Variants in SLIT2 observed in about 807,000 individuals in gnomAD.
SLIT2 encodes the protein slit guidance ligand 2.
SLIT2 carries 41 observed loss-of-function variants against 185.7 expected under a neutral mutation model. That is an observed-to-expected ratio of 0.22 (90% CI 0.17 to 0.29). The LOEUF is 0.29. Among genes scored for constraint, SLIT2 ranks in the 10% least tolerant of loss-of-function variants. SLIT2 has a pLI of 1.00. For missense variants in SLIT2, 1,571 were observed against 1,909.0 expected, an observed-to-expected ratio of 0.82 and a Z score of 3.30; for synonymous variants, 693 against 680.2, an observed-to-expected ratio of 1.02 and a Z score of -0.29.
intron 4 of SLIT2, among the ~76,000 whole-genome samples, chr4:20,324,097 C>T (rs569733903): frequency 5.9e-5 from 9 of 152,152 alleles, no homozygotes; most frequent in East Asian, 1.9e-4. Context: ...ATAGGGGTGG[C>T]GAAACAGAGC....
intron 11 of SLIT2, among the ~76,000 whole-genome samples, chr4:20,511,627 A>G (rs1200147331): frequency 8.3e-6 from 1 of 120,404 alleles, no homozygotes; most frequent in Non-Finnish European, 1.7e-5. Flanking sequence ...ATGGAATTTC[A>G]CAATGTTAGC....
chr4:20,323,457 G>A (rs1577431604), intron 4 of SLIT2, among the ~76,000 whole-genome samples: 1 of 152,022 alleles, frequency 6.6e-6, no homozygotes. Flanking sequence ...TTTATTGAAT[G>A]AATCATATTC....
chr4:20,551,231 C>T (rs564386894), intron 25 of SLIT2, among the ~76,000 whole-genome samples: 152 of 152,266 alleles, frequency 1.0e-3, no homozygotes, highest in Non-Finnish European at 1.6e-3. Flanking sequence ...ATTATCTATC[C>T]TAACCCTGCT....
intron 4 of SLIT2, among the ~76,000 whole-genome samples, chr4:20,307,238 C>T (rs1560302600): frequency 1.6e-5 from 2 of 121,228 alleles, no homozygotes. Flanking sequence ...TCTTTTCCTT[C>T]CTTCCTTCCT....
intron 4 of SLIT2, among the ~76,000 whole-genome samples, chr4:20,271,871 A>G (rs1713651928): frequency 6.6e-6 from 1 of 152,068 alleles, no homozygotes; most frequent in Admixed American, 6.6e-5. Flanking sequence ...TGCCAGGGGA[A>G]GAAGCACACA....
intron 5 of SLIT2, among the ~76,000 whole-genome samples, chr4:20,473,025 T>G (rs569121247): frequency 1.9e-4 from 29 of 151,926 alleles, no homozygotes; most frequent in African/African-American, 6.0e-4. Context: ...TTACCGTTGG[T>G]TTTTTAGTGA....
At chr4:20,376,768 C>G (rs1199792883) in intron 4 of SLIT2, among the ~76,000 whole-genome samples, 5 of 152,082 alleles carry the variant, frequency 3.3e-5, no homozygotes, top group African/African-American at 7.2e-5. Context: ...CAAACTGTCA[C>G]AAGGACAGAA....
chr4:20,465,783 C>A (rs1714275910), intron 4 of SLIT2, among the ~76,000 whole-genome samples: 1 of 152,142 alleles, frequency 6.6e-6, no homozygotes, highest in African/African-American at 2.4e-5. Flanking sequence ...TTCCGCCCAG[C>A]CCACTCTACT....
intron 4 of SLIT2, among the ~76,000 whole-genome samples, chr4:20,443,625 A>G (rs1729940461): frequency 1.3e-5 from 2 of 151,072 alleles, no homozygotes; most frequent in Admixed American, 1.3e-4. Context: ...ATTTGGAACT[A>G]GACCAGGAAT....
intron 4 of SLIT2, among the ~76,000 whole-genome samples, chr4:20,449,629 A>G (rs1244362525): frequency 6.6e-6 from 1 of 151,962 alleles, no homozygotes; most frequent in Non-Finnish European, 1.5e-5. Context: ...GGCTGGTCTC[A>G]AACTCCTGAC....
intron 3 of SLIT2, among the ~76,000 whole-genome samples, chr4:20,259,475 G>A (rs1712210997): frequency 6.6e-6 from 1 of 151,702 alleles, no homozygotes; most frequent in African/African-American, 2.4e-5. Flanking sequence ...CATTGAAGGA[G>A]TTTTGATGGC....
chr4:20,374,529 G>A (rs1486208251), intron 4 of SLIT2, among the ~76,000 whole-genome samples: 3 of 152,038 alleles, frequency 2.0e-5, no homozygotes, highest in Admixed American at 6.6e-5. Context: ...GTTTCCTGCT[G>A]ACCATCTATC....
At chr4:20,463,469 A>G (rs865855182) in intron 4 of SLIT2, among the ~76,000 whole-genome samples, 2,416 of 87,452 alleles carry the variant, frequency 0.028, 150 homozygotes, top group African/African-American at 0.084. Flanking sequence ...ATATATATAT[A>G]TATATATATA....
Position 20,541,464 on chromosome 4 carries a change from C to G in SLIT2, c.1988C>G (p.Ala663Gly). ...CCTGTGGCTCTTAGAAACCTCTTGG[C>G]CAATCCTTTTAACTGTAACTGCTAC... ...LHSLSTLNLL[A>G]NPFNCNCYLA... Residue 663 changes from alanine to glycine, a missense_variant, in exon 20 of 37, where the codon GCC becomes GGC. Physicochemically the swap from Ala to Gly is moderately conservative, Grantham distance 60 (BLOSUM62 0). Coordinates refer to ENST00000504154, the MANE Select transcript of SLIT2 (RefSeq NM_004787.4). 1 of 1,613,802 alleles carries G rather than the reference C, an allele frequency of 6.2e-7. No homozygotes were observed.
chr4:20,485,662 T>C (rs1311120474), intron 6 of SLIT2, among the ~76,000 whole-genome samples: 2 of 152,182 alleles, frequency 1.3e-5, no homozygotes, highest in South Asian at 2.1e-4. Context: ...GATGTAGATA[T>C]AGCTGTTTCC....
chr4:20,437,487 C>A (rs1276064874), intron 4 of SLIT2, among the ~76,000 whole-genome samples: 1 of 152,070 alleles, frequency 6.6e-6, no homozygotes, highest in African/African-American at 2.4e-5. Flanking sequence ...TCGATGTGTG[C>A]CTCTGGGGTC....
At chr4:20,406,601 C>A (rs955690299) in intron 4 of SLIT2, among the ~76,000 whole-genome samples, 2 of 144,012 alleles carry the variant, frequency 1.4e-5, no homozygotes, top group African/African-American at 4.9e-5. Context: ...TAGTGACATA[C>A]CATCACTTAT....
intron 29 of SLIT2, among the ~76,000 whole-genome samples, chr4:20,573,641 T>C (rs1051262102): frequency 6.6e-5 from 10 of 152,186 alleles, no homozygotes; most frequent in African/African-American, 2.4e-4. Flanking sequence ...TTTAGTACTG[T>C]AGATAAGGCT....
chr4:20,297,691 TCA>T (rs1474317140), intron 4 of SLIT2, among the ~76,000 whole-genome samples: 1 of 135,342 alleles, frequency 7.4e-6, no homozygotes, highest in East Asian at 2.8e-4. Context: ...AAAAAAAATC[TCA>T]TGGGTTTTTG....
Sources: gnomAD v4.1 joint callset for allele counts (sites outside exome capture counted in the v4.1 genomes callset) on GRCh38, gnomAD v4.1.1 for gene constraint, MANE v1.5 for transcripts, NCBI Gene and HGNC (gene_info 2026-07-23, HGNC 2026-07-21) for gene names.